VWA3B: variants seen among roughly 807,000 people sequenced by gnomAD.
VWA3B encodes von Willebrand factor A domain-containing protein 3B.
VWA3B carries 138 observed loss-of-function variants against 158.3 expected under a neutral mutation model. The observed-to-expected ratio is 0.87, with a 90% CI of 0.76 to 1.00. The LOEUF (loss-of-function observed/expected upper bound fraction) is 1.00. VWA3B is among the 50% of genes least tolerant of loss of function. VWA3B has a pLI of 0.00. For synonymous variants in VWA3B, 596 were observed against 587.3 expected, an observed-to-expected ratio of 1.01 and a Z score of -0.21; for missense variants, 1,555 against 1,565.1, an observed-to-expected ratio of 0.99 and a Z score of 0.11.
In VWA3B at chr2:98,213,279, C is replaced by T. The variant is rs147736098; in HGVS notation, c.1836+1251C>T. On this transcript the variant is annotated intron_variant, in intron 13 of 27. Transcript: ENST00000477737. Reference sequence around the variant, plus strand: ...GGTTGAGGAAGACTGTGGAAGTCCTCGAATGCCATATTAGAAGGGTGGTGT... The same window carrying T: ...GGTTGAGGAAGACTGTGGAAGTCCTTGAATGCCATATTAGAAGGGTGGTGT... 6.0e-3 allele frequency among the ~76,000 whole-genome samples: 910 copies of T among 151,632 alleles called. 8 individuals are homozygous for T. The highest frequency in any genetic ancestry group is 0.017 in the Middle Eastern group (5 of 294).
At chr2:98,126,745 G>A (rs1468019322) in intron 5 of VWA3B, among the ~76,000 whole-genome samples, 1 of 152,120 alleles carries the variant, frequency 6.6e-6, no homozygotes, top group Non-Finnish European at 1.5e-5. Flanking sequence ...TTAGAATCAG[G>A]AGCTGGCGTT....
At position 98,311,980 on chromosome 2, in the gene VWA3B, C is replaced by G; in HGVS notation, c.3683C>G (p.Ser1228Cys). The change falls in exon 27 of 28, where the codon TCC (serine) becomes TGC (cysteine). Residue 1228 changes from serine to cysteine, a missense_variant. Ser to Cys is a moderately radical substitution (Grantham distance 112). Transcript: ENST00000477737. ...GCGCCCTCGGACTCGGACGGCTCCT[C>G]CCACGGCATCAGCTCCCATGGGTCC... The part of the protein sequence containing the change: ...QAAPSDSDGS[S>C]HGISSHGSCQ... 1 of 1,604,370 alleles carries G rather than the reference C, an allele frequency of 6.2e-7. No homozygotes were observed. Among genetic ancestry groups the G allele is most frequent in the South Asian group, 1.1e-5 (1 of 89,362 alleles).
At chr2:98,164,778 C>T (rs1395198611) in intron 8 of VWA3B, among the ~76,000 whole-genome samples, 1 of 152,202 alleles carries the variant, frequency 6.6e-6, no homozygotes. Context: ...CTGCACCATA[C>T]AAACAACCTC....
At chr2:98,279,474 G>A (rs1688741204) in intron 22 of VWA3B, among the ~76,000 whole-genome samples, 1 of 152,176 alleles carries the variant, frequency 6.6e-6, no homozygotes, top group Admixed American at 6.5e-5. Flanking sequence ...GGACAGATTT[G>A]CCCTCCCTGT....
At chr2:98,310,076 G>A (rs1476197692) in intron 26 of VWA3B, among the ~76,000 whole-genome samples, 3 of 152,180 alleles carry the variant, frequency 2.0e-5, no homozygotes, top group Admixed American at 6.5e-5. Context: ...AACAGCCTTT[G>A]CTTATCCATT....
At chr2:98,323,509 G>GA in the VWA3B span, among the ~76,000 whole-genome samples, 10,240 of 146,758 alleles carry the variant, frequency 0.07, 401 homozygotes, top group Middle Eastern at 0.095. Context: ...AAAAGAGAAA[G>GA]AAAAAAAAAA....
At chr2:98,104,672 G>A (rs1410584569) in intron 2 of VWA3B, among the ~76,000 whole-genome samples, 2 of 152,216 alleles carry the variant, frequency 1.3e-5, no homozygotes, top group African/African-American at 4.8e-5. Flanking sequence ...ATATTTAAAT[G>A]TAGGTCTACC....
At chr2:98,168,760 A>G (rs1679327477) in intron 8 of VWA3B, among the ~76,000 whole-genome samples, 1 of 152,180 alleles carries the variant, frequency 6.6e-6, no homozygotes, top group South Asian at 2.1e-4. Flanking sequence ...GTGGACTTGA[A>G]GACAGCAATA....
At chr2:98,197,993 G>A (rs1682202736) in intron 12 of VWA3B, among the ~76,000 whole-genome samples, 1 of 151,270 alleles carries the variant, frequency 6.6e-6, no homozygotes, top group African/African-American at 2.4e-5. Context: ...TATATACATA[G>A]AAAATATCTA....
At chr2:98,101,500 T>C (rs978576228) in intron 2 of VWA3B, among the ~76,000 whole-genome samples, 1 of 152,254 alleles carries the variant, frequency 6.6e-6, no homozygotes, top group South Asian at 2.1e-4. Context: ...TCTGAATTAG[T>C]CAATTAATTA....
chr2:98,121,421 G>T lies in VWA3B; in HGVS notation c.665G>T (p.Arg222Leu). The T allele has an allele frequency of 1.2e-6, 2 of 1,614,150 alleles. No homozygotes were observed. The highest frequency in any genetic ancestry group is 1.7e-6 in the Non-Finnish European group (2 of 1,180,026). Residue 222 changes from arginine to leucine, a missense_variant, in exon 5 of 28, where the codon CGC becomes CTC. Physicochemically the swap from Arg to Leu is moderately radical, Grantham distance 102 (BLOSUM62 -2). Coordinates refer to ENST00000477737, the MANE Select transcript of VWA3B (RefSeq NM_144992.5). The stretch of plus-strand genomic sequence containing the variant: ...GAGCTGACTGTGAGCGAGGCTGGCC[G>T]CCTGGATGCTCTGCTGGAAGCCGGG... Reference protein sequence around the residue: ...TVELTVSEAGRLDALLEAGRD... With the variant: ...TVELTVSEAGLLDALLEAGRD...
chr2:98,309,839 C>T (rs768028079), intron 26 of VWA3B, among the ~76,000 whole-genome samples: 6 of 152,214 alleles, frequency 3.9e-5, no homozygotes, highest in Non-Finnish European at 8.8e-5. Context: ...CCTCCGTCCC[C>T]TCTGGTTGGA....
chr2:98,190,359 C>T (rs1443975476), intron 10 of VWA3B, among the ~76,000 whole-genome samples: 1 of 152,162 alleles, frequency 6.6e-6, no homozygotes, highest in Non-Finnish European at 1.5e-5. Flanking sequence ...TCTGTGCATG[C>T]ATTACACAAT....
intron 26 of VWA3B, among the ~76,000 whole-genome samples, chr2:98,308,354 C>G (rs1435630285): frequency 6.6e-6 from 1 of 152,210 alleles, no homozygotes; most frequent in East Asian, 1.9e-4. Context: ...CCCTTCCGTT[C>G]AGGAGTGTCC....
intron 7 of VWA3B, among the ~76,000 whole-genome samples, chr2:98,161,290 A>G (rs1461324615): frequency 6.6e-6 from 1 of 152,220 alleles, no homozygotes; most frequent in Non-Finnish European, 1.5e-5. Flanking sequence ...GTTGCAGTAT[A>G]CCCAGCCTAA....
At chr2:98,159,520 A>G (rs2105222512) in intron 7 of VWA3B, among the ~76,000 whole-genome samples, 1 of 152,092 alleles carries the variant, frequency 6.6e-6, no homozygotes, top group East Asian at 1.9e-4. Flanking sequence ...AAGTGCTGAG[A>G]TTACAGATGT....
At chr2:98,299,583 G>A (rs1283647965) in intron 24 of VWA3B, among the ~76,000 whole-genome samples, 1 of 152,202 alleles carries the variant, frequency 6.6e-6, no homozygotes, top group Non-Finnish European at 1.5e-5. Context: ...AGAAGGGCCT[G>A]CAGCCTCTGC....
At chr2:98,318,844 T>C in the VWA3B span, among the ~76,000 whole-genome samples, 1 of 152,214 alleles carries the variant, frequency 6.6e-6, no homozygotes, top group Non-Finnish European at 1.5e-5. Flanking sequence ...TACCTATCTA[T>C]ATATCTGCAA....
intron 10 of VWA3B, among the ~76,000 whole-genome samples, chr2:98,190,881 C>A (rs1681517680): frequency 6.6e-6 from 1 of 152,068 alleles, no homozygotes. Flanking sequence ...TCTGTAGGTG[C>A]ACTGTTTCAA....
Sources: gnomAD v4.1 joint callset for allele counts (sites outside exome capture counted in the v4.1 genomes callset) on GRCh38, gnomAD v4.1.1 for gene constraint, MANE v1.5 for transcripts, NCBI Gene and HGNC (gene_info 2026-07-23, HGNC 2026-07-21) for gene names.